Variants in OSBPL10 observed in about 807,000 individuals in gnomAD.
OSBPL10 encodes the protein oxysterol-binding protein-related protein 10.
Under a neutral mutation model 81.7 loss-of-function variants are expected in OSBPL10, and 49 were observed. That is an observed-to-expected ratio of 0.60 (90% CI 0.48 to 0.76). The LOEUF (loss-of-function observed/expected upper bound fraction) is 0.76, where lower values mean the gene tolerates loss of function less well. Ranked by LOEUF, OSBPL10 falls within the 30% of genes least tolerant of loss-of-function variation. The pLI, the probability that OSBPL10 is intolerant of heterozygous loss-of-function variation, is 0.00. For missense variants in OSBPL10, 923 were observed against 987.8 expected, an observed-to-expected ratio of 0.93 and a Z score of 0.88; for synonymous variants, 419 against 383.6, an observed-to-expected ratio of 1.09 and a Z score of -1.08.
intron 1 of OSBPL10, among the ~76,000 whole-genome samples, chr3:31,947,508 A>G (rs1697737656): frequency 6.6e-6 from 1 of 152,150 alleles, no homozygotes; most frequent in Non-Finnish European, 1.5e-5. Context: ...CCAACATCAG[A>G]AGTCCCCTAC....
intron 8 of OSBPL10, among the ~76,000 whole-genome samples, chr3:31,682,551 C>T (rs979981613): frequency 7.2e-5 from 11 of 152,204 alleles, no homozygotes; most frequent in Non-Finnish European, 1.2e-4. Flanking sequence ...CCTCTTTGCC[C>T]GCTTTGGGTC....
chr3:31,829,769 T>C (rs1191798905), intron 4 of OSBPL10, among the ~76,000 whole-genome samples: 3 of 152,270 alleles, frequency 2.0e-5, no homozygotes, highest in African/African-American at 7.2e-5. Context: ...GATTTAACTG[T>C]ACTTCATTTA....
chr3:31,839,250 C>A (rs569891672), intron 3 of OSBPL10, among the ~76,000 whole-genome samples: 21 of 152,318 alleles, frequency 1.4e-4, no homozygotes, highest in Admixed American at 2.6e-4. Flanking sequence ...GACATACATA[C>A]CACCACACTT....
intron 1 of OSBPL10, among the ~76,000 whole-genome samples, chr3:31,930,175 T>A (rs1011305592): frequency 6.6e-5 from 10 of 151,970 alleles, no homozygotes; most frequent in Middle Eastern, 3.4e-3. Flanking sequence ...AATTTTTTTT[T>A]AATTAAAAAA....
At chr3:32,040,903 T>C (rs887145215) in intron 2 of OSBPL10, among the ~76,000 whole-genome samples, 1 of 152,170 alleles carries the variant, frequency 6.6e-6, no homozygotes, top group Non-Finnish European at 1.5e-5. Context: ...GACCTTACAT[T>C]GTTCCTTGCA....
intron 4 of OSBPL10, among the ~76,000 whole-genome samples, chr3:31,811,084 C>T (rs1699666756): frequency 6.6e-6 from 1 of 150,940 alleles, no homozygotes; most frequent in African/African-American, 2.4e-5. Context: ...AAGCAAGAGT[C>T]AAAACAGGAA....
chr3:31,899,184 C>T (rs945996810), intron 1 of OSBPL10, among the ~76,000 whole-genome samples: 2 of 151,944 alleles, frequency 1.3e-5, no homozygotes, highest in Non-Finnish European at 2.9e-5. Flanking sequence ...TCAGGCAATC[C>T]GCCCATCTCG....
chr3:31,729,966 G>A (rs1696919319), intron 6 of OSBPL10, among the ~76,000 whole-genome samples: 1 of 152,212 alleles, frequency 6.6e-6, no homozygotes, highest in Non-Finnish European at 1.5e-5. Flanking sequence ...GCATCTCCCA[G>A]TAACGTGTTC....
chr3:31,964,127 T>C lies in OSBPL10; in HGVS notation c.281+16772A>G, dbSNP rs79115234. ...CTTCAATATAGCTGTCAGATGTTTC[T>C]CCAATGATTCCATCTACCCAGCACT... On this transcript the variant is annotated intron_variant, in intron 1 of 11. Transcript: ENST00000396556. 1.4e-3 allele frequency among the ~76,000 whole-genome samples: 214 copies of C among 152,300 alleles called. 1 individual carries two copies. Among genetic ancestry groups the C allele is most frequent in the African/African-American group, 4.8e-3 (201 of 41,562 alleles).
chr3:31,700,757 A>C (rs1033357311), intron 7 of OSBPL10, among the ~76,000 whole-genome samples: 1 of 152,246 alleles, frequency 6.6e-6, no homozygotes, highest in African/African-American at 2.4e-5. Context: ...GGGTGTCTAC[A>C]CAATCCACAA....
At chr3:31,988,633 CCT>C (rs1387110983) in intron 2 of OSBPL10, 7 of 180,448 alleles carry the variant, frequency 3.9e-5, no homozygotes, top group Non-Finnish European at 3.5e-5. Flanking sequence ...TCTCTCTCCC[CCT>C]GTCTTTCTCT....
chr3:31,818,097 C>A (rs1290530509), intron 4 of OSBPL10, among the ~76,000 whole-genome samples: 2 of 152,016 alleles, frequency 1.3e-5, no homozygotes, highest in Non-Finnish European at 2.9e-5. Context: ...CACAGGGAGA[C>A]CTTGCCTCAA....
chr3:31,779,306 T>C (rs1276086080), intron 4 of OSBPL10, among the ~76,000 whole-genome samples: 1 of 152,204 alleles, frequency 6.6e-6, no homozygotes, highest in Non-Finnish European at 1.5e-5. Flanking sequence ...ACCAAGTATC[T>C]GCTGTCTTAA....
At chr3:31,903,571 T>C (rs1308755514) in intron 1 of OSBPL10, among the ~76,000 whole-genome samples, 1 of 152,054 alleles carries the variant, frequency 6.6e-6, no homozygotes, top group African/African-American at 2.4e-5. Context: ...ACTCAAACAA[T>C]CCTCCCACCT....
intron 2 of OSBPL10, chr3:31,989,481 G>C: frequency 6.2e-7 from 1 of 1,614,168 alleles, no homozygotes; most frequent in Non-Finnish European, 8.5e-7. Flanking sequence ...TCAAAAAGTT[G>C]ACTGGTAGCA....
intron 4 of OSBPL10, among the ~76,000 whole-genome samples, chr3:31,777,571 T>C (rs76456145): frequency 0.092 from 13,952 of 152,242 alleles, 867 homozygotes; most frequent in African/African-American, 0.19. Flanking sequence ...GTGTGGACTT[T>C]TGTTCCAGGA....
rs896621991 is a variant in OSBPL10 at position 31,875,647 on chromosome 3, T to C, written c.537+786A>G. ...GTGTATCTAAGTAAGACATTTCACATGGCCCTGACCCAGAAAGCAGGCAGG... is the reference window on the plus strand; with the variant it reads ...GTGTATCTAAGTAAGACATTTCACACGGCCCTGACCCAGAAAGCAGGCAGG... On this transcript the variant is annotated intron_variant, in intron 3 of 11. Transcript: ENST00000396556. Among the ~76,000 whole-genome samples, 5 of 151,928 alleles carry C rather than the reference T, an allele frequency of 3.3e-5. No individual in the cohort carries two copies. The South Asian group carries it at 6.2e-4, about 19-fold the overall frequency.
At chr3:31,710,862 A>T (rs1428579797) in intron 6 of OSBPL10, 1 of 152,280 alleles carries the variant, frequency 6.6e-6, no homozygotes, top group African/African-American at 2.4e-5. Flanking sequence ...ACATAAAGGC[A>T]TAAGGGTAGG....
intron 6 of OSBPL10, chr3:31,703,997 T>C (rs1006377997): frequency 6.6e-6 from 1 of 152,110 alleles, no homozygotes; most frequent in Non-Finnish European, 1.5e-5. Context: ...AGCTGTGAGC[T>C]ACCCTGATTC....
Sources: gnomAD v4.1 joint callset for allele counts (sites outside exome capture counted in the v4.1 genomes callset) on GRCh38, gnomAD v4.1.1 for gene constraint, MANE v1.5 for transcripts, NCBI Gene and HGNC (gene_info 2026-07-23, HGNC 2026-07-21) for gene names.